The following ANKRD36C variants were observed in gnomAD, a reference collection of about 807,000 sequenced individuals.
The protein encoded by ANKRD36C is ankyrin repeat domain 36C.
In ANKRD36C, 61 loss-of-function variants were observed where a neutral mutation model predicts 276.4. The ratio of observed to expected loss-of-function variants is 0.22; its 90% CI spans 0.18 to 0.27. ANKRD36C has a LOEUF of 0.27. Ranked by LOEUF, ANKRD36C falls within the 10% of genes least tolerant of loss-of-function variation. ANKRD36C has a pLI of 1.00. For synonymous variants in ANKRD36C, 483 were observed against 680.1 expected (o/e 0.71, Z 4.51); for missense variants, 1,447 against 2,032.3 (o/e 0.71, Z 5.54).
chr2:95,960,091 C>T (rs1474683528), intron 10 of ANKRD36C, among the ~76,000 whole-genome samples: 1 of 152,050 alleles, frequency 6.6e-6, no homozygotes, highest in Non-Finnish European at 1.5e-5. Flanking sequence ...ATTACGATCA[C>T]TTCTTCCCTC....
At position 95,919,670 on chromosome 2, in the gene ANKRD36C, C is replaced by T. The variant is rs574221904; in HGVS notation, c.2246-1628G>A. 4.6e-5 allele frequency: 18 copies of T among 391,300 alleles called. 4 individuals carry two copies. Among genetic ancestry groups the T allele is most frequent in the South Asian group, 1.1e-4 (1 of 9,508 alleles). 24.2% of individuals were successfully genotyped at this position (391,300 alleles called of 1,614,324 possible). ...CCCACCCACCCTCCGCTGATTTATT[C>T]GGGATAGAGAAGTTCTTTTTTATCT... On this transcript the variant is annotated intron_variant, in intron 34 of 66. Transcript: ENST00000456556.
At chr2:95,947,854 T>C (rs1432253023) in intron 17 of ANKRD36C, among the ~76,000 whole-genome samples, 1 of 152,142 alleles carries the variant, frequency 6.6e-6, no homozygotes, top group Non-Finnish European at 1.5e-5. Context: ...GCTCTTGCTG[T>C]ATTGCCAAGC....
intron 3 of ANKRD36C, among the ~76,000 whole-genome samples, chr2:95,984,032 TG>T (rs1290691198): frequency 6.6e-6 from 1 of 152,192 alleles, no homozygotes; most frequent in Non-Finnish European, 1.5e-5. Context: ...TGCATTCTAA[TG>T]GGAAGATGAT....
chr2:95,875,122 C>T lies in ANKRD36C; in HGVS notation c.3540+1317G>A, dbSNP rs1211003709. 1.6e-4 allele frequency among the ~76,000 whole-genome samples: 24 copies of T among 152,246 alleles called. No homozygotes were observed. In the South Asian group the frequency reaches 4.6e-3, roughly 29 times the overall value. On this transcript the variant is annotated intron_variant, in intron 59 of 66. Coordinates refer to ENST00000456556, the Ensembl canonical transcript of ANKRD36C. ...TCAACCATTGTGGAAGTCAGTGTGG[C>T]GATTCCTCAGGGATCCAGAACTAGA...
intron 59 of ANKRD36C, among the ~76,000 whole-genome samples, chr2:95,873,129 T>C (rs1675855447): frequency 6.6e-6 from 1 of 151,998 alleles, no homozygotes; most frequent in Admixed American, 6.6e-5. Context: ...ACTATTCCAA[T>C]CAATAGAAAA....
chr2:95,868,294 T>C (rs1675725089), intron 59 of ANKRD36C, among the ~76,000 whole-genome samples: 1 of 150,066 alleles, frequency 6.7e-6, no homozygotes, highest in Admixed American at 6.6e-5. Context: ...ATCTTTTTTT[T>C]TTTTTTTAAA....
chr2:95,854,133 C>G (rs1011838845), intron 63 of ANKRD36C, among the ~76,000 whole-genome samples: 2 of 151,276 alleles, frequency 1.3e-5, no homozygotes, highest in African/African-American at 2.4e-5. Flanking sequence ...GCTTAAAAAC[C>G]TTCTGAAGTC....
At chr2:95,903,015 C>A in intron 42 of ANKRD36C, 38 bp downstream of exon 53, 1 of 1,570,916 alleles carries the variant, frequency 6.4e-7, no homozygotes, top group Non-Finnish European at 8.6e-7. Context: ...ATAGACTATA[C>A]ATTTACTAGT....
intron 30 of ANKRD36C, among the ~76,000 whole-genome samples, chr2:95,924,250 C>T (rs1291021056): frequency 6.6e-6 from 1 of 151,558 alleles, no homozygotes; most frequent in Non-Finnish European, 1.5e-5. Context: ...AGATAGTATT[C>T]ATTATTTATC....
At chr2:95,961,719 A>G in intron 8 of ANKRD36C, among the ~76,000 whole-genome samples, 1 of 152,054 alleles carries the variant, frequency 6.6e-6, no homozygotes, top group East Asian at 1.9e-4. Context: ...ACTGTGGGTT[A>G]TCACAATTCT....
At chr2:95,878,651 A>G (rs982399602) in intron 58 of ANKRD36C, among the ~76,000 whole-genome samples, 6 of 152,226 alleles carry the variant, frequency 3.9e-5, no homozygotes, top group African/African-American at 1.4e-4. Context: ...AAATAGTAGC[A>G]AAATGATACT....
chr2:95,960,613 T>A (rs1199640273), intron 9 of ANKRD36C, 26 bp downstream of exon 9: 3 of 1,366,562 alleles, frequency 2.2e-6, no homozygotes, highest in Non-Finnish European at 3.0e-6. Flanking sequence ...AGTTAATTAT[T>A]CAAAATATGA....
At position 95,920,438 on chromosome 2, in the gene ANKRD36C, T is replaced by C. The variant is rs1391217757; in HGVS notation, c.2245+1169A>G. ...CACATCCCCTTCAGTGGAAGTGTCC[T>C]AAATTGATCACCTTGGATATCTGTT... On this transcript the variant is annotated intron_variant, in intron 34 of 66. Coordinates refer to ENST00000456556, the Ensembl canonical transcript of ANKRD36C. 2.3e-5 allele frequency among the ~76,000 whole-genome samples: 3 copies of C among 132,902 alleles called. 1 individual carries two copies. The highest frequency in any genetic ancestry group is 5.0e-5 in the Non-Finnish European group (3 of 59,768). The allele number at this position is 132,902 out of a possible 152,430, so 87.2% of individuals were successfully genotyped here.
chr2:95,849,470 A>C (rs1009845839), downstream of ANKRD36C, among the ~76,000 whole-genome samples: 2 of 152,220 alleles, frequency 1.3e-5, no homozygotes, highest in Non-Finnish European at 2.9e-5. Flanking sequence ...TTTTGGCACC[A>C]GGCAGCAGTT....
intron 12 of ANKRD36C, among the ~76,000 whole-genome samples, 164 bp downstream of exon 12, chr2:95,958,427 T>A (rs1269610506): frequency 5.3e-5 from 8 of 152,066 alleles, no homozygotes; most frequent in African/African-American, 1.9e-4. Context: ...TGGACAAAAA[T>A]CAGCAGAATC....
At chr2:95,869,849 C>T (rs1444091759) in intron 59 of ANKRD36C, among the ~76,000 whole-genome samples, 1 of 152,222 alleles carries the variant, frequency 6.6e-6, no homozygotes, top group Non-Finnish European at 1.5e-5. Flanking sequence ...AACGGCACAC[C>T]AGGAAATTAT....
chr2:95,966,161 C>A (rs1678586650), intron 6 of ANKRD36C, among the ~76,000 whole-genome samples: 2 of 152,132 alleles, frequency 1.3e-5, no homozygotes, highest in African/African-American at 4.8e-5. Flanking sequence ...CACACAAGTT[C>A]TTTAGTTTAA....
chr2:95,945,846 T>C (rs1317467199), intron 17 of ANKRD36C, among the ~76,000 whole-genome samples: 2 of 152,240 alleles, frequency 1.3e-5, no homozygotes, highest in Admixed American at 1.3e-4. Context: ...ACTAAAGACA[T>C]GCGGTCTGCA....
exon 19 of ANKRD36C, chr2:95,944,678 G>A: frequency 2.0e-6 from 3 of 1,537,112 alleles, no homozygotes; most frequent in Non-Finnish European, 2.6e-6. Context: ...TTTTGTCAAT[G>A]CCACATGCAG....
Sources: allele counts gnomAD v4.1 joint callset (sites outside exome capture counted in the v4.1 genomes callset), GRCh38; gene constraint gnomAD v4.1.1; transcripts MANE v1.5; gene names NCBI Gene and HGNC (gene_info 2026-07-23, HGNC 2026-07-21).